The following KCNIP4 variants were observed in gnomAD, a reference collection of about 807,000 sequenced individuals.
KCNIP4 encodes potassium voltage-gated channel interacting protein 4, also known as Kv channel-interacting protein 4.
Under a neutral mutation model 34.0 loss-of-function variants are expected in KCNIP4, and 12 were observed. The ratio of observed to expected loss-of-function variants is 0.35; its 90% CI spans 0.23 to 0.57. The LOEUF is 0.57. Among genes scored for constraint, KCNIP4 ranks in the 20% least tolerant of loss-of-function variants. The pLI is 0.83. For synonymous variants in KCNIP4, 124 were observed against 102.2 expected (o/e 1.21, Z -1.29); for missense variants, 238 against 311.7 (o/e 0.76, Z 1.78).
intron 1 of KCNIP4, among the ~76,000 whole-genome samples, chr4:21,511,275 G>C (rs564456617): frequency 6.6e-6 from 1 of 152,120 alleles, no homozygotes; most frequent in South Asian, 2.1e-4. Flanking sequence ...TTAGGATATA[G>C]CTATCACTTT....
intron 1 of KCNIP4, among the ~76,000 whole-genome samples, chr4:20,980,637 T>C (rs1232722778): frequency 1.3e-5 from 2 of 152,168 alleles, no homozygotes; most frequent in Admixed American, 6.5e-5. Flanking sequence ...CTCATTCAAA[T>C]AGACTCAGAA....
intron 1 of KCNIP4, among the ~76,000 whole-genome samples, chr4:21,042,121 G>A (rs765393500): frequency 3.3e-5 from 5 of 152,184 alleles, no homozygotes; most frequent in Non-Finnish European, 7.3e-5. Context: ...TGAGATGGGA[G>A]CCGCCTTAAG....
intron 1 of KCNIP4, among the ~76,000 whole-genome samples, chr4:20,903,323 C>T (rs1019705299): frequency 5.3e-5 from 8 of 152,080 alleles, no homozygotes; most frequent in African/African-American, 7.2e-5. Flanking sequence ...TATTTTGACA[C>T]GTTCAAATAT....
rs576123702 is a variant in KCNIP4, at chr4:20,766,799, A to G, written c.289-7909T>C. The G allele has an allele frequency of 4.6e-5, 7 of 152,280 alleles. No homozygotes were observed. The South Asian group carries it at 1.5e-3, about 32-fold the overall frequency. The allele number at this position is 152,280 out of a possible 1,614,324, so 9.4% of individuals were successfully genotyped here. ...TAGCTGGTAATTTTTGTCAGGTACT[A>G]TTTAGAGGAATCTAGTGCAGTGCTT... is the stretch of plus-strand genomic sequence containing the variant. On this transcript the variant is annotated intron_variant, in intron 3 of 8. Coordinates refer to ENST00000382152, the MANE Select transcript of KCNIP4 (RefSeq NM_025221.6).
At chr4:21,864,692 G>A (rs532988767) in intron 1 of KCNIP4, among the ~76,000 whole-genome samples, 2 of 152,266 alleles carry the variant, frequency 1.3e-5, no homozygotes, top group South Asian at 2.1e-4. Flanking sequence ...GTCTGGTATC[G>A]AGAAAAGGGT....
rs76599145 is a variant in KCNIP4 at position 21,401,389 on chromosome 4, G to A, written c.62-518680C>T. On this transcript the variant is annotated intron_variant, in intron 1 of 8. Transcript: ENST00000382152. ...AGACTGTCCCATTTTACAAATCTCC[G>A]ATGCCCATGTACAATGGGAAACCCA... Among the ~76,000 whole-genome samples, 53 of 152,238 alleles carry A rather than the reference G, an allele frequency of 3.5e-4. No individual in the cohort carries two copies. In the East Asian group the frequency reaches 0.01, roughly 29 times the overall value.
At chr4:21,596,549 T>C (rs1742659408) in intron 1 of KCNIP4, among the ~76,000 whole-genome samples, 1 of 151,836 alleles carries the variant, frequency 6.6e-6, no homozygotes, top group Non-Finnish European at 1.5e-5. Context: ...GAAACCCCCC[T>C]CCCTATCTCC....
intron 1 of KCNIP4, among the ~76,000 whole-genome samples, chr4:21,014,992 C>G (rs1412913432): frequency 6.6e-6 from 1 of 152,032 alleles, no homozygotes; most frequent in Non-Finnish European, 1.5e-5. Flanking sequence ...AAACATTATG[C>G]TAAGTGAAAT....
intron 1 of KCNIP4, among the ~76,000 whole-genome samples, chr4:21,763,652 A>T (rs1448543661): frequency 6.6e-6 from 1 of 152,108 alleles, no homozygotes; most frequent in African/African-American, 2.4e-5. Flanking sequence ...CTCTTTTCTG[A>T]ATCTCAACTT....
At chr4:21,088,935 G>C (rs1019325924) in intron 1 of KCNIP4, among the ~76,000 whole-genome samples, 2 of 152,054 alleles carry the variant, frequency 1.3e-5, no homozygotes, top group African/African-American at 4.8e-5. Flanking sequence ...ACCCCAATCA[G>C]TGCCTAGAAG....
chr4:20,896,146 C>A (rs1460605285), intron 1 of KCNIP4, among the ~76,000 whole-genome samples: 1 of 152,046 alleles, frequency 6.6e-6, no homozygotes, highest in African/African-American at 2.4e-5. Flanking sequence ...GAGGAGCTGC[C>A]CCTTTCACAC....
intron 1 of KCNIP4, among the ~76,000 whole-genome samples, chr4:20,930,391 T>C (rs182639419): frequency 1.7e-4 from 26 of 152,100 alleles, no homozygotes; most frequent in Admixed American, 7.9e-4. Context: ...ATGTAAGATG[T>C]GAAACCATAA....
chr4:21,015,010 A>T (rs1739376090), intron 1 of KCNIP4, among the ~76,000 whole-genome samples: 1 of 152,184 alleles, frequency 6.6e-6, no homozygotes, highest in Non-Finnish European at 1.5e-5. Context: ...AATAAGCCAG[A>T]CACAAAAGGA....
intron 1 of KCNIP4, among the ~76,000 whole-genome samples, chr4:21,109,834 T>G: frequency 6.6e-6 from 1 of 152,196 alleles, no homozygotes; most frequent in East Asian, 1.9e-4. Flanking sequence ...CTTTTGATCT[T>G]AGATGCTTTT....
At chr4:21,227,216 T>C (rs1217471619) in intron 1 of KCNIP4, among the ~76,000 whole-genome samples, 3 of 152,198 alleles carry the variant, frequency 2.0e-5, no homozygotes, top group Admixed American at 6.5e-5. Flanking sequence ...TCTGTCTTTC[T>C]TACAGAAAGT....
chr4:21,242,567 T>C (rs990110040), intron 1 of KCNIP4, among the ~76,000 whole-genome samples: 1 of 152,110 alleles, frequency 6.6e-6, no homozygotes, highest in Non-Finnish European at 1.5e-5. Context: ...CCACCTCCAA[T>C]GTGTTTGGGG....
chr4:21,423,713 C>A (rs1175848261), intron 1 of KCNIP4, among the ~76,000 whole-genome samples: 1 of 152,104 alleles, frequency 6.6e-6, no homozygotes, highest in Non-Finnish European at 1.5e-5. Context: ...TATGTTTTCA[C>A]TAAAATCCAT....
intron 1 of KCNIP4, among the ~76,000 whole-genome samples, chr4:21,197,096 AT>A (rs1030866998): frequency 3.3e-5 from 5 of 152,150 alleles, no homozygotes; most frequent in African/African-American, 9.7e-5. Context: ...ACAGAGATGT[AT>A]TTTTTTAAAG....
intron 1 of KCNIP4, among the ~76,000 whole-genome samples, chr4:21,896,085 A>T (rs1293241842): frequency 6.6e-6 from 1 of 152,136 alleles, no homozygotes; most frequent in South Asian, 2.1e-4. Context: ...AATCCATGCT[A>T]AGACCTTTCC....
Sources: allele counts gnomAD v4.1 joint callset (sites outside exome capture counted in the v4.1 genomes callset), GRCh38; gene constraint gnomAD v4.1.1; transcripts MANE v1.5; gene names NCBI Gene and HGNC (gene_info 2026-07-23, HGNC 2026-07-21).